The following TMA16 variants were observed in gnomAD, a reference collection of about 807,000 sequenced individuals.
TMA16 encodes the protein translation machinery associated 16 homolog, also known as translation machinery-associated protein 16.
In TMA16, 26 loss-of-function variants were observed where a neutral mutation model predicts 27.1. The observed-to-expected ratio is 0.96, with a 90% CI of 0.70 to 1.33. The LOEUF is 1.33. TMA16 is among the 40% of genes most tolerant of loss of function. The probability of loss-of-function intolerance (pLI) is 0.00; values close to 1 mark genes in which losing one functional copy is unlikely to be tolerated. For synonymous variants in TMA16, 71 were observed against 81.9 expected, an observed-to-expected ratio of 0.87 and a Z score of 0.72; for missense variants, 233 against 241.4, an observed-to-expected ratio of 0.97 and a Z score of 0.23.
chr4:163,502,566 A>G (rs1737663066), intron 1 of TMA16, among the ~76,000 whole-genome samples: 1 of 152,206 alleles, frequency 6.6e-6, no homozygotes, highest in South Asian at 2.1e-4. Context: ...GGGAAAGGCT[A>G]CTGAGATATG....
At chr4:163,495,390 A>G (rs1014796954) in intron 1 of TMA16, among the ~76,000 whole-genome samples, 2 of 152,248 alleles carry the variant, frequency 1.3e-5, no homozygotes, top group East Asian at 3.8e-4. Flanking sequence ...TCGTTTACCC[A>G]TTTTGTAGTT....
At chr4:163,507,173 C>A in intron 2 of TMA16, 28 bp downstream of exon 2, 1 of 1,534,538 alleles carries the variant, frequency 6.5e-7, no homozygotes, top group Non-Finnish European at 8.8e-7. Context: ...ATTTGTATTA[C>A]TCGTTGGTAA....
intron 5 of TMA16, among the ~76,000 whole-genome samples, chr4:163,516,366 T>A (rs1006852234): frequency 1.3e-5 from 2 of 152,246 alleles, no homozygotes; most frequent in Non-Finnish European, 2.9e-5. Context: ...TCTCCCCTCC[T>A]TATGTGGTGT....
chr4:163,494,937 T>A, intron 1 of TMA16, 133 bp downstream of exon 1: 1 of 1,335,228 alleles, frequency 7.5e-7, no homozygotes, highest in Non-Finnish European at 1.0e-6. Flanking sequence ...TTTCAGGGAG[T>A]GTGCGGGGTG....
intron 1 of TMA16, among the ~76,000 whole-genome samples, chr4:163,498,768 GCCTCTGTCTCC>G (rs1446178846): frequency 6.6e-6 from 1 of 152,120 alleles, no homozygotes; most frequent in Non-Finnish European, 1.5e-5. Flanking sequence ...TCGGGCTGAC[GCCTCTGTCTCC>G]CCAGTAGCCA....
chr4:163,512,908 C>G, intron 3 of TMA16, 49 bp downstream of exon 3: 1 of 1,370,068 alleles, frequency 7.3e-7, no homozygotes, highest in Non-Finnish European at 1.0e-6. Context: ...TAGGGCATTT[C>G]TGCCCTATAC....
At position 163,507,162 on chromosome 4, in the gene TMA16, C is replaced by T. The variant is rs1737729542; in HGVS notation, c.116+17C>T. 6.5e-7 allele frequency: 1 copy of T among 1,546,002 alleles called. No homozygotes were observed. Among genetic ancestry groups the T allele is most frequent in the Non-Finnish European group, 8.8e-7 (1 of 1,140,944 alleles). On this transcript the variant is annotated intron_variant, in intron 2 of 6. Transcript: ENST00000358572. ...AAAGGAAAAGTAAGTATCTTTTCAT[C>T]ATTTGTATTACTCGTTGGTAAAAAG...
At chr4:163,518,193 C>T (rs76654891) in intron 6 of TMA16, among the ~76,000 whole-genome samples, 2,537 of 152,138 alleles carry the variant, frequency 0.017, 64 homozygotes, top group African/African-American at 0.057. Flanking sequence ...ACCTTGTGTA[C>T]CCAATGTTTA....
intron 2 of TMA16, among the ~76,000 whole-genome samples, chr4:163,510,739 G>A (rs1479693959): frequency 6.6e-6 from 1 of 152,156 alleles, no homozygotes; most frequent in Admixed American, 6.6e-5. Flanking sequence ...ATTACGAAAA[G>A]TTTTGTTGGA....
rs1201768349 is a variant in TMA16 at position 163,507,152 on chromosome 4, A to G, written c.116+7A>G. 1 of 1,556,180 alleles carries G rather than the reference A, an allele frequency of 6.4e-7. No individual in the cohort carries two copies. The highest frequency in any genetic ancestry group is 1.2e-5 in the South Asian group (1 of 84,498). On this transcript the variant is annotated splice_region_variant and intron_variant, in intron 2 of 6. Transcript: ENST00000358572. The stretch of plus-strand genomic sequence containing the variant: ...AACAAGAAAAAAAGGAAAAGTAAGT[A>G]TCTTTTCATCATTTGTATTACTCGT...
intron 4 of TMA16, 56 bp from the exon 5 acceptor site, chr4:163,515,257 T>G: frequency 6.7e-7 from 1 of 1,500,898 alleles, no homozygotes; most frequent in East Asian, 2.3e-5. Flanking sequence ...CATTAAGTAA[T>G]GTAAGCCCAA....
chr4:163,510,337 C>T (rs1737774291), intron 2 of TMA16, among the ~76,000 whole-genome samples: 2 of 152,176 alleles, frequency 1.3e-5, no homozygotes, highest in African/African-American at 4.8e-5. Flanking sequence ...ATGTAGTATA[C>T]AATTTCATCT....
rs748411869 is a variant in TMA16 at position 163,519,381 on chromosome 4, A to C, written c.479A>C (p.Lys160Thr). Residue 160 changes from lysine (K) to threonine (T), a missense_variant, in exon 7 of 7, where the codon AAA becomes ACA. Physicochemically the swap from Lys to Thr is moderately conservative, Grantham distance 78. Coordinates refer to ENST00000358572, the MANE Select transcript of TMA16 (RefSeq NM_018352.3). ...AAATTACCAAACATTAAAATGAGAAAAATTTGCGCTAATGATGCAATTCCC... is the reference window on the plus strand; with the variant it reads ...AAATTACCAAACATTAAAATGAGAACAATTTGCGCTAATGATGCAATTCCC... ...LKKLPNIKMR[K>T]ICANDAIPKT... 21 of 1,605,706 alleles carry C rather than the reference A, an allele frequency of 1.3e-5. No homozygotes were observed. Among genetic ancestry groups the C allele is most frequent in the Non-Finnish European group, 8.5e-7 (1 of 1,177,250 alleles).
Position 163,507,102 on chromosome 4 carries a change from G to C in TMA16, c.73G>C (p.Ala25Pro), listed in dbSNP as rs368325546. ...KVIHPYSRKA[A>P]QITREAHKQE... Reference sequence around the variant, plus strand: ...CATCCATCCATATAGTAGAAAAGCAGCTCAAATTACGAGAGAGGCCCACAA... The same window carrying C: ...CATCCATCCATATAGTAGAAAAGCACCTCAAATTACGAGAGAGGCCCACAA... Residue 25 changes from alanine (A) to proline (P), a missense_variant, in exon 2 of 7, where the codon GCT (alanine) becomes CCT (proline). Ala to Pro is a conservative substitution (Grantham distance 27, BLOSUM62 -1). Transcript: ENST00000358572. The C allele has an allele frequency of 2.5e-6, 4 of 1,592,526 alleles. No individual in the cohort carries two copies. Among genetic ancestry groups the C allele is most frequent in the Admixed American group, 1.7e-5 (1 of 57,214 alleles).
chr4:163,501,539 A>G (rs1166443111), intron 1 of TMA16, among the ~76,000 whole-genome samples: 5 of 152,158 alleles, frequency 3.3e-5, no homozygotes, highest in African/African-American at 7.2e-5. Context: ...TCATTTTGCC[A>G]TTAAAAAGTA....
At chr4:163,495,219 C>T (rs1201705477) in intron 1 of TMA16, among the ~76,000 whole-genome samples, 2 of 152,210 alleles carry the variant, frequency 1.3e-5, no homozygotes, top group South Asian at 2.1e-4. Flanking sequence ...TCTTCCTCGG[C>T]GTCCGTTCAC....
intron 2 of TMA16, chr4:163,512,555 C>A: frequency 3.3e-6 from 1 of 305,526 alleles, no homozygotes; most frequent in East Asian, 5.5e-5. Flanking sequence ...TTCAGAAAAG[C>A]TTTCAGTTGT....
At chr4:163,517,637 G>C in intron 6 of TMA16, 161 bp downstream of exon 6, 1 of 574,344 alleles carries the variant, frequency 1.7e-6, no homozygotes, top group Non-Finnish European at 3.0e-6. Context: ...GAAGTTGGGC[G>C]TACAAACAGT....
rs1579022351 is a variant in TMA16, at chr4:163,519,750, C to G, written c.*236C>G. 9 of 519,606 alleles carry G rather than the reference C, an allele frequency of 1.7e-5. No homozygotes were observed. Among genetic ancestry groups the G allele is most frequent in the Non-Finnish European group, 2.3e-5 (7 of 301,026 alleles). The allele number at this position is 519,606 out of a possible 1,614,324, so 32.2% of individuals were successfully genotyped here. A position where few individuals can be genotyped will look rare whatever the true frequency, so the allele number is the denominator to read the frequency against. ...TGATCTGCAGAAGTTGTTTAGTCTTCATCTGAATTTCAGGCTGGGAGGGAG... is the reference window on the plus strand; with the variant it reads ...TGATCTGCAGAAGTTGTTTAGTCTTGATCTGAATTTCAGGCTGGGAGGGAG... On this transcript the variant is annotated 3_prime_UTR_variant, in exon 7 of 7. Coordinates refer to ENST00000358572, the MANE Select transcript of TMA16 (RefSeq NM_018352.3).
Sources: allele counts gnomAD v4.1 joint callset (sites outside exome capture counted in the v4.1 genomes callset), GRCh38; gene constraint gnomAD v4.1.1; transcripts MANE v1.5; gene names NCBI Gene and HGNC (gene_info 2026-07-23, HGNC 2026-07-21).